The following CSTF3 variants were observed in gnomAD, a reference collection of about 807,000 sequenced individuals.
CSTF3 encodes cleavage stimulation factor subunit 3.
In CSTF3, 29 loss-of-function variants were observed where a neutral mutation model predicts 105.8. The observed-to-expected ratio is 0.27, with a 90% CI of 0.20 to 0.37. The LOEUF is 0.37. Ranked by LOEUF, CSTF3 falls within the 10% of genes least tolerant of loss-of-function variation. CSTF3 has a pLI of 1.00. For synonymous variants in CSTF3, 252 were observed against 281.9 expected (o/e 0.89, Z 1.06); for missense variants, 357 against 879.3 (o/e 0.41, Z 7.51).
At chr11:33,109,037 CAA>C (rs1398384016) in intron 3 of CSTF3, among the ~76,000 whole-genome samples, 5 of 152,036 alleles carry the variant, frequency 3.3e-5, no homozygotes, top group Non-Finnish European at 7.4e-5. Flanking sequence ...TTTGGAAGAG[CAA>C]AAGACTTAGA....
chr11:33,156,234 T>A (rs1287724080), intron 1 of CSTF3, among the ~76,000 whole-genome samples: 1 of 152,188 alleles, frequency 6.6e-6, no homozygotes, highest in African/African-American at 2.4e-5. Flanking sequence ...TAGGAAGGGC[T>A]GTTACAGAAA....
At chr11:33,102,776 T>C (rs550046463) in intron 9 of CSTF3, among the ~76,000 whole-genome samples, 1 of 152,340 alleles carries the variant, frequency 6.6e-6, no homozygotes, top group East Asian at 1.9e-4. Flanking sequence ...GAGAGCTATG[T>C]TATTAGACCA....
chr11:33,116,778 G>T lies in CSTF3; in HGVS notation c.226-8360C>A, dbSNP rs973039852. ...GGAGAATACAGAGGTGGCTTTTAGT[G>T]CTATGGGATGAGACAAGCAGGTACT... On this transcript the variant is annotated intron_variant, in intron 3 of 20. Coordinates refer to ENST00000323959, the MANE Select transcript of CSTF3 (RefSeq NM_001326.3). 8.5e-5 allele frequency among the ~76,000 whole-genome samples: 13 copies of T among 152,210 alleles called. No homozygotes were observed. In the East Asian group the frequency reaches 1.9e-3, roughly 23 times the overall value.
At chr11:33,087,416 A>G (rs1441126131) in intron 17 of CSTF3, among the ~76,000 whole-genome samples, 1 of 152,226 alleles carries the variant, frequency 6.6e-6, no homozygotes, top group Non-Finnish European at 1.5e-5. Context: ...GACAGATACA[A>G]GCTTTTTTGG....
chr11:33,148,509 C>T (rs1378803521), intron 1 of CSTF3, among the ~76,000 whole-genome samples: 1 of 149,754 alleles, frequency 6.7e-6, no homozygotes, highest in East Asian at 2.0e-4. Context: ...CCAGCCTGAC[C>T]AACACAGTGA....
chr11:33,138,389 A>G (rs1280025184), intron 3 of CSTF3, among the ~76,000 whole-genome samples: 2 of 151,822 alleles, frequency 1.3e-5, no homozygotes, highest in Non-Finnish European at 3.0e-5. Context: ...ATTTAAAAGA[A>G]TATGTCAAAA....
chr11:33,087,368 G>A (rs1189865178), intron 17 of CSTF3, among the ~76,000 whole-genome samples: 1 of 152,176 alleles, frequency 6.6e-6, no homozygotes, highest in African/African-American at 2.4e-5. Flanking sequence ...CAAGTTACAA[G>A]TCATTAAACT....
chr11:33,113,645 T>C lies in CSTF3; in HGVS notation c.226-5227A>G, dbSNP rs534521177. Among the ~76,000 whole-genome samples the C allele has an allele frequency of 3.3e-5, 5 of 152,348 alleles. No individual in the cohort carries two copies. In the South Asian group the frequency reaches 6.2e-4, roughly 19 times the overall value. On this transcript the variant is annotated intron_variant, in intron 3 of 20. Coordinates refer to ENST00000323959, the MANE Select transcript of CSTF3 (RefSeq NM_001326.3). ...TTTACAAAGATATGAAAAGTGTCTA[T>C]TGAGAAAAAATAATAAATTTTTTAA...
At chr11:33,137,507 T>C (rs1204026756) in intron 3 of CSTF3, among the ~76,000 whole-genome samples, 1 of 151,842 alleles carries the variant, frequency 6.6e-6, no homozygotes, top group Non-Finnish European at 1.5e-5. Context: ...AATAGTTTAC[T>C]ACTTATTATA....
intron 3 of CSTF3, among the ~76,000 whole-genome samples, chr11:33,129,395 T>G (rs1162578898): frequency 7.5e-6 from 1 of 133,664 alleles, no homozygotes; most frequent in Non-Finnish European, 1.6e-5. Context: ...CCCGGCCTAC[T>G]TTTTTTTTTT....
chr11:33,091,345 T>C (rs1855166987), intron 16 of CSTF3, among the ~76,000 whole-genome samples: 1 of 152,260 alleles, frequency 6.6e-6, no homozygotes, highest in African/African-American at 2.4e-5. Flanking sequence ...TGCACCTTTG[T>C]ACTAAAGTAA....
At chr11:33,159,830 CGAAGAGTTGTCCTACAGGT>C (rs1849916844) in intron 1 of CSTF3, among the ~76,000 whole-genome samples, 1 of 151,926 alleles carries the variant, frequency 6.6e-6, no homozygotes, top group Admixed American at 6.6e-5. Flanking sequence ...TGATTCCAGG[CGAAGAGTTGTCCTACAGGT>C]GTTCACTGCA....
At chr11:33,086,896 A>G (rs962310336) in intron 18 of CSTF3, 92 bp downstream of exon 18, 2 of 1,404,590 alleles carry the variant, frequency 1.4e-6, no homozygotes, top group South Asian at 1.2e-5. Flanking sequence ...TTAACCCACA[A>G]TTGAGAGGCC....
chr11:33,161,110 A>C (rs1026628171), intron 1 of CSTF3, among the ~76,000 whole-genome samples, 189 bp downstream of exon 1: 8 of 152,224 alleles, frequency 5.3e-5, no homozygotes, highest in African/African-American at 1.9e-4. Context: ...ATTCATGCCT[A>C]AGAGAGAGAA....
At position 33,092,281 on chromosome 11, in the gene CSTF3, C is replaced by G; in HGVS notation, c.1435G>C (p.Glu479Gln). 3.1e-6 allele frequency: 5 copies of G among 1,599,502 alleles called. No homozygotes were observed. Among genetic ancestry groups the G allele is most frequent in the Non-Finnish European group, 4.3e-6 (5 of 1,174,568 alleles). ...TTCACAATGGCTTACCCAGACTTCT[C>G]AGGAGGAAGGCTTCCAGATGTTAAA... ...RVLTSGSLPP[E>Q]KSGEIWARFL... The change falls in exon 16 of 21, where the codon GAG becomes CAG. Residue 479 changes from glutamate (E) to glutamine (Q), a missense_variant. Physicochemically the swap from Glu to Gln is conservative, Grantham distance 29. Coordinates refer to ENST00000323959, the MANE Select transcript of CSTF3 (RefSeq NM_001326.3).
intron 10 of CSTF3, among the ~76,000 whole-genome samples, chr11:33,101,016 G>A (rs565562265): frequency 6.6e-6 from 1 of 152,240 alleles, no homozygotes; most frequent in East Asian, 1.9e-4. Flanking sequence ...AAATGTACTG[G>A]AAATGACCAA....
intron 17 of CSTF3, among the ~76,000 whole-genome samples, chr11:33,087,488 A>G (rs1187468357): frequency 2.0e-5 from 3 of 152,208 alleles, no homozygotes; most frequent in Non-Finnish European, 4.4e-5. Context: ...AAGATTTTAG[A>G]TCTTCTGACA....
At chr11:33,111,115 A>G (rs1239194956) in intron 3 of CSTF3, among the ~76,000 whole-genome samples, 1 of 152,150 alleles carries the variant, frequency 6.6e-6, no homozygotes, top group African/African-American at 2.4e-5. Flanking sequence ...CTGTAATCCC[A>G]GCTACTCGGG....
chr11:33,113,226 T>C (rs1039608092), intron 3 of CSTF3, among the ~76,000 whole-genome samples: 1 of 151,196 alleles, frequency 6.6e-6, no homozygotes, highest in Non-Finnish European at 1.5e-5. Flanking sequence ...AATAAATAAA[T>C]AAATAAATAA....
Sources: allele counts gnomAD v4.1 joint callset (sites outside exome capture counted in the v4.1 genomes callset), GRCh38; gene constraint gnomAD v4.1.1; transcripts MANE v1.5; gene names NCBI Gene and HGNC (gene_info 2026-07-23, HGNC 2026-07-21).